The following CEP85 variants were observed in gnomAD, a reference collection of about 807,000 sequenced individuals.
The protein encoded by CEP85 is centrosomal protein 85, also known as centrosomal protein of 85 kDa.
CEP85 carries 58 observed loss-of-function variants against 93.7 expected under a neutral mutation model. The ratio of observed to expected loss-of-function variants is 0.62; its 90% CI spans 0.50 to 0.77. The LOEUF is 0.77. Ranked by LOEUF, CEP85 falls within the 30% of genes least tolerant of loss-of-function variation. CEP85 has a pLI of 0.00. For synonymous variants in CEP85, 314 were observed against 338.6 expected (o/e 0.93, Z 0.80); for missense variants, 868 against 922.0 (o/e 0.94, Z 0.76).
chr1:26,274,222 C>A (rs968533630), intron 11 of CEP85, among the ~76,000 whole-genome samples: 7 of 152,196 alleles, frequency 4.6e-5, no homozygotes, highest in African/African-American at 1.4e-4. Flanking sequence ...GATTAGGTAC[C>A]TGTGAGTATG....
Position 26,234,285 on chromosome 1 carries a change from A to C in CEP85, c.-48A>C, listed in dbSNP as rs1296680248. ...TGCAGTCAGTCTTCCCGAGTGAGGGATTTCGCCGCCCGCTTTCAGGCCCGT... is the reference window on the plus strand; with the variant it reads ...TGCAGTCAGTCTTCCCGAGTGAGGGCTTTCGCCGCCCGCTTTCAGGCCCGT... On this transcript the variant is annotated 5_prime_UTR_variant, in exon 1 of 14. Coordinates refer to ENST00000451429, the MANE Select transcript of CEP85 (RefSeq NM_001319944.2). The C allele has an allele frequency of 1.3e-5, 2 of 152,068 alleles. No homozygotes were observed. The highest frequency in any genetic ancestry group is 3.9e-4 in the East Asian group (2 of 5,166). The allele number at this position is 152,068 out of a possible 1,614,324, so 9.4% of individuals were successfully genotyped here. A position where few individuals can be genotyped will look rare whatever the true frequency, so the allele number is the denominator to read the frequency against.
intron 2 of CEP85, among the ~76,000 whole-genome samples, chr1:26,241,178 C>T (rs1338356720): frequency 6.6e-6 from 1 of 150,570 alleles, no homozygotes; most frequent in East Asian, 1.9e-4. Context: ...CTTAGGCATG[C>T]TGCCTTGCAT....
intron 3 of CEP85, among the ~76,000 whole-genome samples, chr1:26,250,715 T>G (rs1440639800): frequency 6.6e-6 from 1 of 152,142 alleles, no homozygotes; most frequent in African/African-American, 2.4e-5. Flanking sequence ...GGCATTATTT[T>G]GGGGTTATCT....
intron 8 of CEP85, 77 bp from the exon 9 acceptor site, chr1:26,269,383 T>C: frequency 1.4e-6 from 2 of 1,431,592 alleles, no homozygotes; most frequent in Admixed American, 3.6e-5. Flanking sequence ...GCTATTTCTT[T>C]GTGACACCGA....
At chr1:26,248,758 G>A (rs1367929284) in intron 3 of CEP85, among the ~76,000 whole-genome samples, 2 of 98,126 alleles carry the variant, frequency 2.0e-5, no homozygotes, top group Admixed American at 1.6e-4. Flanking sequence ...ACCGAGTCTC[G>A]CTCTGTTGCC....
At chr1:26,268,745 C>G in intron 8 of CEP85, 110 bp downstream of exon 8, 1 of 1,127,254 alleles carries the variant, frequency 8.9e-7, no homozygotes, top group South Asian at 1.8e-5. Flanking sequence ...AAAGGAGAAT[C>G]CCAAAGCAGT....
At chr1:26,238,899 G>A (rs1484760836) in intron 1 of CEP85, among the ~76,000 whole-genome samples, 2 of 152,272 alleles carry the variant, frequency 1.3e-5, no homozygotes, top group East Asian at 3.9e-4. Flanking sequence ...AGAACTTCAC[G>A]TTCCTAGCTC....
chr1:26,265,501 A>G (rs901418244), intron 7 of CEP85, among the ~76,000 whole-genome samples: 3 of 152,154 alleles, frequency 2.0e-5, no homozygotes, highest in African/African-American at 7.2e-5. Context: ...TGAGTTGGGA[A>G]TCTCTCTGAT....
rs181535207 is a variant in CEP85 at position 26,271,520 on chromosome 1, C to A, written c.1743+413C>A. ...GCCAGGGGCCGGCTGGTGAAACTGA[C>A]TGCAGGTTAGTAAAAAAAAAAGAAG... On this transcript the variant is annotated intron_variant, in intron 10 of 13. Coordinates refer to ENST00000451429, the MANE Select transcript of CEP85 (RefSeq NM_001319944.2). 10 of 171,782 alleles carry A rather than the reference C, an allele frequency of 5.8e-5. No individual in the cohort carries two copies. In the East Asian group the frequency reaches 1.6e-3, roughly 28 times the overall value. The allele number at this position is 171,782 out of a possible 1,614,324, so 10.6% of individuals were successfully genotyped here.
intron 3 of CEP85, among the ~76,000 whole-genome samples, chr1:26,253,956 C>T (rs1316259714): frequency 6.6e-6 from 1 of 152,016 alleles, no homozygotes; most frequent in East Asian, 2.0e-4. Flanking sequence ...GATCACGCCA[C>T]TGTGCTCCAG....
rs369226511 is a variant in CEP85, at chr1:26,278,218, C to G, written c.*925C>G. On this transcript the variant is annotated 3_prime_UTR_variant, in exon 14 of 14. Transcript: ENST00000451429. ...GGTGGGGGTTATTCCTTTCCCTTTC[C>G]TGCTCTGGCCTCCTTGAAAGTTCAG... The G allele has an allele frequency of 6.5e-6, 1 of 152,774 alleles. No homozygotes were observed. Among genetic ancestry groups the G allele is most frequent in the Non-Finnish European group, 1.5e-5 (1 of 68,158 alleles). The allele number at this position is 152,774 out of a possible 1,614,324, so 9.5% of individuals were successfully genotyped here. A position where few individuals can be genotyped will look rare whatever the true frequency, so the allele number is the denominator to read the frequency against.
intron 7 of CEP85, among the ~76,000 whole-genome samples, chr1:26,262,118 C>T (rs1172221885): frequency 6.6e-6 from 1 of 152,084 alleles, no homozygotes; most frequent in Non-Finnish European, 1.5e-5. Flanking sequence ...ACATCCTGGC[C>T]AACATGGTGA....
intron 1 of CEP85, among the ~76,000 whole-genome samples, chr1:26,237,859 T>C (rs1470973105): frequency 2.0e-5 from 3 of 152,150 alleles, no homozygotes; most frequent in East Asian, 1.9e-4. Context: ...GATTTTGATA[T>C]TGACAAGAAA....
At chr1:26,269,107 T>C (rs2089934788) in intron 8 of CEP85, among the ~76,000 whole-genome samples, 1 of 152,190 alleles carries the variant, frequency 6.6e-6, no homozygotes, top group Non-Finnish European at 1.5e-5. Flanking sequence ...TTCCTAACTG[T>C]CCTTCCCACC....
chr1:26,265,585 A>G (rs1002556244), intron 7 of CEP85, among the ~76,000 whole-genome samples: 1 of 152,054 alleles, frequency 6.6e-6, no homozygotes, highest in Admixed American at 6.5e-5. Flanking sequence ...TTGTATATAG[A>G]TTTCTAGGGA....
chr1:26,237,676 C>G (rs1414728967), intron 1 of CEP85, among the ~76,000 whole-genome samples: 2 of 151,974 alleles, frequency 1.3e-5, no homozygotes, highest in African/African-American at 2.4e-5. Context: ...TTTGTGTAAA[C>G]CTGTGTTTTC....
rs913480513 is a variant in CEP85, at chr1:26,255,959, A to T, written c.903+94A>T. ...CTTTGAATTTTGGCTTAAAGAAAAT[A>T]GCTGTAAAAAGAAGGAAGATGTTTG... is the stretch of plus-strand genomic sequence containing the variant. On this transcript the variant is annotated intron_variant, in intron 4 of 13. Coordinates refer to ENST00000451429, the MANE Select transcript of CEP85 (RefSeq NM_001319944.2). The T allele has an allele frequency of 1.0e-5, 11 of 1,072,448 alleles. No individual in the cohort carries two copies. In the African/African-American group the frequency reaches 1.7e-4, roughly 17 times the overall value. 66.4% of individuals were successfully genotyped at this position (1,072,448 alleles called of 1,614,324 possible). A position where few individuals can be genotyped will look rare whatever the true frequency, so the allele number is the denominator to read the frequency against.
At position 26,276,775 on chromosome 1, in the gene CEP85, C is replaced by T. The variant is rs1484343751; in HGVS notation, c.2128+15C>T. 3 of 1,586,708 alleles carry T rather than the reference C, an allele frequency of 1.9e-6. No individual in the cohort carries two copies. The highest frequency in any genetic ancestry group is 2.6e-6 in the Non-Finnish European group (3 of 1,157,172). The stretch of plus-strand genomic sequence containing the variant: ...GGGCATTCACTGTGAGTCCTCAGAC[C>T]AGTCTGGGGCCCAGGAAGGAGGGTC... On this transcript the variant is annotated intron_variant, in intron 13 of 13. Coordinates refer to ENST00000451429, the MANE Select transcript of CEP85 (RefSeq NM_001319944.2).
intron 6 of CEP85, among the ~76,000 whole-genome samples, chr1:26,259,216 T>A (rs888834800): frequency 1.6e-4 from 25 of 152,206 alleles, no homozygotes; most frequent in African/African-American, 5.8e-4. Context: ...ATATAGAGAA[T>A]GAGTGGAGGG....
Sources: gnomAD v4.1 joint callset for allele counts (sites outside exome capture counted in the v4.1 genomes callset) on GRCh38, gnomAD v4.1.1 for gene constraint, MANE v1.5 for transcripts, NCBI Gene and HGNC (gene_info 2026-07-23, HGNC 2026-07-21) for gene names.